Variants in AGMO observed in about 807,000 individuals in gnomAD.
The protein encoded by AGMO is alkylglycerol monooxygenase.
A neutral mutation model predicts 60.2 loss-of-function variants in AGMO; 75 were observed. The ratio of observed to expected loss-of-function variants is 1.25; its 90% CI spans 1.03 to 1.51. The LOEUF (loss-of-function observed/expected upper bound fraction) is 1.51. AGMO is among the 40% of genes most tolerant of loss of function. AGMO has a pLI of 0.00. For synonymous variants in AGMO, 261 were observed against 177.1 expected (o/e 1.47, Z -3.76); for missense variants, 763 against 525.5 (o/e 1.45, Z -4.42).
At chr7:15,195,108 T>G in the AGMO span, among the ~76,000 whole-genome samples, 1 of 152,150 alleles carries the variant, frequency 6.6e-6, no homozygotes, top group Admixed American at 6.5e-5. Flanking sequence ...TACCTCACAC[T>G]ACTACAAGAG....
chr7:15,374,487 A>G (rs1783365444), intron 10 of AGMO, among the ~76,000 whole-genome samples: 1 of 152,108 alleles, frequency 6.6e-6, no homozygotes, highest in African/African-American at 2.4e-5. Flanking sequence ...TATAAATACC[A>G]AAATATTAGA....
In AGMO at chr7:15,279,594, G is replaced by A. The variant is rs1374060984; in HGVS notation, c.1264-78235C>T. Among the ~76,000 whole-genome samples, 3 of 152,130 alleles carry A rather than the reference G, an allele frequency of 2.0e-5. No individual in the cohort carries two copies. The South Asian group carries it at 6.2e-4, about 31-fold the overall frequency. ...CTCCAACTTGGAAAGACAAACTGGT[G>A]TGTAGAGATTTACACTGTGAACTTT... On this transcript the variant is annotated intron_variant, in intron 12 of 12. Transcript: ENST00000342526.
chr7:15,556,341 C>A (rs762520737), intron 2 of AGMO, among the ~76,000 whole-genome samples: 2 of 150,584 alleles, frequency 1.3e-5, no homozygotes, highest in Non-Finnish European at 3.0e-5. Flanking sequence ...GAGCTAGCTC[C>A]ATAGTAAAAA....
At chr7:15,387,224 CTCCTTTA>C (rs1428311059) in intron 9 of AGMO, among the ~76,000 whole-genome samples, 175 bp downstream of exon 9, 6 of 152,214 alleles carry the variant, frequency 3.9e-5, no homozygotes, top group East Asian at 1.9e-4. Flanking sequence ...GGAGAAGGCA[CTCCTTTA>C]ATTGGCACAA....
At chr7:15,539,215 T>G (rs1784556769) in intron 3 of AGMO, among the ~76,000 whole-genome samples, 2 of 152,130 alleles carry the variant, frequency 1.3e-5, no homozygotes, top group South Asian at 4.1e-4. Context: ...TGTCATGAGA[T>G]TTGGTGTACA....
chr7:15,279,804 C>A (rs903455385), intron 12 of AGMO, among the ~76,000 whole-genome samples: 2 of 152,100 alleles, frequency 1.3e-5, no homozygotes, highest in South Asian at 2.1e-4. Flanking sequence ...TCAATCCAGG[C>A]CAAGGGAGAA....
intron 3 of AGMO, among the ~76,000 whole-genome samples, chr7:15,499,799 A>G (rs958134848): frequency 6.6e-6 from 1 of 151,730 alleles, no homozygotes; most frequent in African/African-American, 2.4e-5. Flanking sequence ...CAACTGTAAA[A>G]GAGATTAAAA....
At chr7:15,492,479 G>A (rs1415489965) in intron 3 of AGMO, among the ~76,000 whole-genome samples, 1 of 151,944 alleles carries the variant, frequency 6.6e-6, no homozygotes, top group African/African-American at 2.4e-5. Flanking sequence ...TAGAATTGCA[G>A]GTTCCAAATT....
rs1031217892 is a variant in AGMO at position 15,552,930 on chromosome 7, A to C, written c.257+7211T>G. Among the ~76,000 whole-genome samples, 36 of 151,806 alleles carry C rather than the reference A, an allele frequency of 2.4e-4. No homozygotes were observed. The East Asian group carries it at 5.8e-3, about 24-fold the overall frequency. On this transcript the variant is annotated intron_variant, in intron 2 of 12. Transcript: ENST00000342526. ...AGACTTGGAACCAACCCAAATGTCC[A>C]ACAATGATAGACTGGATTAAGAAAA... is the stretch of plus-strand genomic sequence containing the variant.
At position 15,399,961 on chromosome 7, in the gene AGMO, C is replaced by T. The variant is rs145800252; in HGVS notation, c.610-5782G>A. ...TCCTGCTTTATCTTCGAGACCAATT[C>T]TCCAAGCACTCTTCTTGATTTTTCC... On this transcript the variant is annotated intron_variant, in intron 5 of 12. Coordinates refer to ENST00000342526, the MANE Select transcript of AGMO (RefSeq NM_001004320.2). Among the ~76,000 whole-genome samples, 116 of 152,278 alleles carry T rather than the reference C, an allele frequency of 7.6e-4. 2 individuals are homozygous for T. The East Asian group carries it at 0.021, about 28-fold the overall frequency.
At chr7:15,400,934 C>T (rs1244039317) in intron 5 of AGMO, among the ~76,000 whole-genome samples, 2 of 151,942 alleles carry the variant, frequency 1.3e-5, no homozygotes, top group African/African-American at 2.4e-5. Context: ...CCTTATGATC[C>T]GCCCTATCCT....
At chr7:15,328,706 G>A (rs1284759658) in intron 12 of AGMO, among the ~76,000 whole-genome samples, 1 of 152,116 alleles carries the variant, frequency 6.6e-6, no homozygotes, top group Non-Finnish European at 1.5e-5. Context: ...AAATTTCAGT[G>A]AGCCTTTTAA....
At chr7:15,147,099 G>A in the AGMO span, among the ~76,000 whole-genome samples, 2 of 152,004 alleles carry the variant, frequency 1.3e-5, no homozygotes, top group Admixed American at 1.3e-4. Context: ...TTGTTGCTTG[G>A]CCTTCTCTGG....
chr7:15,365,417 C>T, intron 12 of AGMO, 97 bp downstream of exon 12: 2 of 357,672 alleles, frequency 5.6e-6, no homozygotes, highest in East Asian at 1.2e-4. Context: ...CCCACATGTA[C>T]TGGTCAGAAA....
intron 5 of AGMO, among the ~76,000 whole-genome samples, chr7:15,396,835 C>T (rs1784409252): frequency 6.6e-6 from 1 of 152,168 alleles, no homozygotes; most frequent in Non-Finnish European, 1.5e-5. Context: ...TGAGAGAGTG[C>T]TGAGTGGTGC....
chr7:15,120,153 AT>A, the AGMO span, among the ~76,000 whole-genome samples: 1 of 151,906 alleles, frequency 6.6e-6, no homozygotes, highest in African/African-American at 2.4e-5. Context: ...AAAAAGCTCA[AT>A]TTTTTTTAGA....
chr7:15,308,390 G>C (rs980428543), intron 12 of AGMO, among the ~76,000 whole-genome samples: 25 of 151,910 alleles, frequency 1.6e-4, no homozygotes, highest in African/African-American at 6.0e-4. Flanking sequence ...CACCTCATTT[G>C]AGAAGACTTT....
intron 3 of AGMO, among the ~76,000 whole-genome samples, chr7:15,530,599 C>A (rs1342942438): frequency 1.8e-5 from 2 of 108,992 alleles, no homozygotes; most frequent in African/African-American, 6.8e-5. Context: ...TATATATATT[C>A]TATATACGTA....
chr7:15,500,890 T>A (rs1783367779), intron 3 of AGMO, among the ~76,000 whole-genome samples: 1 of 148,464 alleles, frequency 6.7e-6, no homozygotes, highest in South Asian at 2.2e-4. Flanking sequence ...ATGTTGTATA[T>A]TTGTTCTCAT....
Sources: gnomAD v4.1 joint callset for allele counts (sites outside exome capture counted in the v4.1 genomes callset) on GRCh38, gnomAD v4.1.1 for gene constraint, MANE v1.5 for transcripts, NCBI Gene and HGNC (gene_info 2026-07-23, HGNC 2026-07-21) for gene names.